The following ARL17B variants were observed in gnomAD, a reference collection of about 807,000 sequenced individuals.
ARL17B encodes the protein ARF like GTPase 17B, also known as ADP-ribosylation factor-like protein 17.
At chr17:46,276,785 T>TTTTTC (rs1165942649) in intron 4 of ARL17B, among the ~76,000 whole-genome samples, 77 of 149,896 alleles carry the variant, frequency 5.1e-4, no homozygotes, top group Non-Finnish European at 7.9e-4. Flanking sequence ...TTTTTTTCTT[T>TTTTTC]TTTTCTTTTT....
intron 4 of ARL17B, among the ~76,000 whole-genome samples, chr17:46,278,411 T>C (rs74952243): frequency 1.8e-5 from 2 of 113,036 alleles, no homozygotes; most frequent in Admixed American, 1.9e-4. Flanking sequence ...GTTTTTTTTT[T>C]GTTGTTGTTT....
intron 4 of ARL17B, among the ~76,000 whole-genome samples, chr17:46,291,369 G>A (rs1275253363): frequency 6.6e-6 from 1 of 152,010 alleles, no homozygotes; most frequent in Non-Finnish European, 1.5e-5. Flanking sequence ...ACACAAAACT[G>A]TGAGCAGGAC....
chr17:46,288,305 CTTTTTTTTTT>C (rs78255121), intron 4 of ARL17B, among the ~76,000 whole-genome samples: 1 of 112,260 alleles, frequency 8.9e-6, no homozygotes, highest in Non-Finnish European at 1.7e-5. Flanking sequence ...CCAGGCCCGG[CTTTTTTTTTT>C]TTTTTTTTTT....
At chr17:46,286,266 A>T (rs2732617) in intron 4 of ARL17B, among the ~76,000 whole-genome samples, 4,284 of 151,710 alleles carry the variant, frequency 0.028, 1 homozygote, top group Middle Eastern at 0.048. Flanking sequence ...TTTGATGTTA[A>T]GAACAAGCAG....
At chr17:46,285,084 G>A (rs7217969) in intron 4 of ARL17B, among the ~76,000 whole-genome samples, 11 of 152,058 alleles carry the variant, frequency 7.2e-5, no homozygotes, top group African/African-American at 2.4e-4. Flanking sequence ...GCCCAGATTG[G>A]TCTCTAACTA....
intron 4 of ARL17B, among the ~76,000 whole-genome samples, chr17:46,277,137 G>C (rs1192780340): frequency 6.6e-6 from 1 of 152,206 alleles, no homozygotes; most frequent in African/African-American, 2.4e-5. Context: ...TTGAGCAAAC[G>C]TCTCCATTCA....
chr17:46,291,287 T>C (rs562094225), intron 4 of ARL17B, among the ~76,000 whole-genome samples: 1 of 151,852 alleles, frequency 6.6e-6, no homozygotes, highest in African/African-American at 2.4e-5. Flanking sequence ...CAAGTGAGAG[T>C]AAAATATAAA....
chr17:46,284,992 T>C (rs1230046436), intron 4 of ARL17B, among the ~76,000 whole-genome samples: 1 of 152,228 alleles, frequency 6.6e-6, no homozygotes, highest in Non-Finnish European at 1.5e-5. Flanking sequence ...GCCTCCCAAG[T>C]AGCTGGATAA....
chr17:46,291,577 A>C (rs2050068227), intron 4 of ARL17B, among the ~76,000 whole-genome samples: 1 of 152,018 alleles, frequency 6.6e-6, no homozygotes, highest in African/African-American at 2.4e-5. Context: ...CTCACTCAAA[A>C]TAAGCTTGCA....
chr17:46,317,150 G>A (rs1436684386), intron 3 of ARL17B, among the ~76,000 whole-genome samples: 1 of 89,572 alleles, frequency 1.1e-5, no homozygotes, highest in African/African-American at 3.0e-5. Context: ...TGGGGTGGCG[G>A]CCGGGCAGAG....
chr17:46,314,508 T>C (rs2050964648), intron 3 of ARL17B, among the ~76,000 whole-genome samples: 1 of 79,744 alleles, frequency 1.3e-5, no homozygotes, highest in Non-Finnish European at 3.8e-5. Context: ...GGAGACGGGG[T>C]TTCAGCACGT....
chr17:46,287,128 A>G (rs2049942309), intron 4 of ARL17B, among the ~76,000 whole-genome samples: 1 of 152,258 alleles, frequency 6.6e-6, no homozygotes, highest in South Asian at 2.1e-4. Flanking sequence ...GGCAAACTCC[A>G]GTATCTGATG....
intron 4 of ARL17B, among the ~76,000 whole-genome samples, chr17:46,280,022 G>A (rs1371884811): frequency 1.3e-5 from 2 of 152,206 alleles, no homozygotes; most frequent in Non-Finnish European, 2.9e-5. Flanking sequence ...ATGTCACCTT[G>A]AGTCAGAGTA....
chr17:46,286,514 AG>A (rs2049916638), intron 4 of ARL17B, among the ~76,000 whole-genome samples: 2 of 151,846 alleles, frequency 1.3e-5, no homozygotes, highest in Non-Finnish European at 2.9e-5. Flanking sequence ...AAACAAGTCA[AG>A]CTAGTTTAAT....
In ARL17B at chr17:46,336,201, T is replaced by C. The variant is rs571694682; in HGVS notation, c.*3299A>G. Among the ~76,000 whole-genome samples, 13 of 31,948 alleles carry C rather than the reference T, an allele frequency of 4.1e-4. 3 individuals are homozygous for C. The highest frequency in any genetic ancestry group is 5.8e-4 in the African/African-American group (12 of 20,742). 21.0% of individuals were successfully genotyped at this position (31,948 alleles called of 152,430 possible). On this transcript the variant is annotated 3_prime_UTR_variant, in exon 4 of 4. Coordinates refer to ENST00000450673, the MANE Select transcript of ARL17B (RefSeq NM_001039083.5). ...ATTTTCTCTTTTATTTCTTTTTTTT[T>C]CCCCTGGATCCTAGAACTGAGGAAA...
rs1158277993 is a variant in ARL17B, at chr17:46,339,216, A to T, written c.*284T>A. Among the ~76,000 whole-genome samples, 29 of 85,500 alleles carry T rather than the reference A, an allele frequency of 3.4e-4. 9 individuals carry two copies. Among genetic ancestry groups the T allele is most frequent in the African/African-American group, 9.1e-4 (29 of 31,892 alleles). The allele number at this position is 85,500 out of a possible 152,430, so 56.1% of individuals were successfully genotyped here. The stretch of plus-strand genomic sequence containing the variant: ...TAAAAGGAAAGTTTAAAAAGGAAAA[A>T]ACACCTAGGAGAAAAGAAAAATGAT... On this transcript the variant is annotated 3_prime_UTR_variant, in exon 4 of 4. Transcript: ENST00000450673.
rs1277539568 is a variant in ARL17B, at chr17:46,340,907, C to CT, written c.260-1134dup. Among the ~76,000 whole-genome samples the CT allele has an allele frequency of 4.1e-3, 314 of 75,922 alleles. 6 individuals carry two copies. The highest frequency in any genetic ancestry group is 6.0e-3 in the Non-Finnish European group (167 of 27,830). 49.8% of individuals were successfully genotyped at this position (75,922 alleles called of 152,430 possible). A position where few individuals can be genotyped will look rare whatever the true frequency, so the allele number is the denominator to read the frequency against. On this transcript the variant is annotated intron_variant, in intron 3 of 3. Coordinates refer to ENST00000450673, the MANE Select transcript of ARL17B (RefSeq NM_001039083.5). ...CCTAGAAAAAGGGACCTCTTTTATT[C>CT]TTTTTTTTTTTTTTTCCAGAGACGG...
At position 46,281,670 on chromosome 17, in the gene ARL17B, G is replaced by A. The variant is rs182371674; in HGVS notation, c.*22-6252C>T. The stretch of plus-strand genomic sequence containing the variant: ...GGAATTTTTTCTTCTTCTTTTGTGA[G>A]AGTCTCACTGTCACCCAGGCTGGAG... On this transcript the variant is annotated intron_variant, in intron 4 of 4. Transcript: ENST00000570618. Among the ~76,000 whole-genome samples the A allele has an allele frequency of 1.5e-4, 23 of 152,288 alleles. No homozygotes were observed. In the East Asian group the frequency reaches 4.4e-3, roughly 29 times the overall value.
chr17:46,275,749 G>GT (rs2049568405), intron 4 of ARL17B, among the ~76,000 whole-genome samples: 1 of 152,234 alleles, frequency 6.6e-6, no homozygotes, highest in Non-Finnish European at 1.5e-5. Flanking sequence ...AGGTGCGTGT[G>GT]TGTGTGTATG....
Sources: gnomAD v4.1 joint callset for allele counts (sites outside exome capture counted in the v4.1 genomes callset) on GRCh38, gnomAD v4.1.1 for gene constraint, MANE v1.5 for transcripts, NCBI Gene and HGNC (gene_info 2026-07-23, HGNC 2026-07-21) for gene names.